The following NBPF9 variants were observed in gnomAD, a reference collection of about 807,000 sequenced individuals.
NBPF9 encodes NBPF member 9.
In NBPF9, 91 loss-of-function variants were observed where a neutral mutation model predicts 97.8. The observed-to-expected ratio is 0.93, with a 90% CI of 0.79 to 1.11. The LOEUF is 1.11. NBPF9 is among the 50% of genes least tolerant of loss of function. The pLI, the probability that NBPF9 is intolerant of heterozygous loss-of-function variation, is 0.00. For missense variants in NBPF9, 992 were observed against 939.5 expected, an observed-to-expected ratio of 1.06 and a Z score of -0.73; for synonymous variants, 334 against 359.5, an observed-to-expected ratio of 0.93 and a Z score of 0.80.
At chr1:149,102,733 A>G in exon 2 of NBPF9, 2 of 151,748 alleles carry the variant, frequency 1.3e-5, no homozygotes, top group East Asian at 3.9e-4. Flanking sequence ...ACCTACCGGA[A>G]ATCCTGCGGT....
intron 29 of NBPF9, among the ~76,000 whole-genome samples, 185 bp from the exon 30 acceptor site, chr1:149,056,084 A>C (rs879973691): frequency 6.6e-6 from 1 of 151,220 alleles, no homozygotes; most frequent in Non-Finnish European, 1.5e-5. Flanking sequence ...GAAAACAATG[A>C]AAGAGAAAGA....
intron 20 of NBPF9, among the ~76,000 whole-genome samples, 157 bp from the exon 21 acceptor site, chr1:149,063,070 A>G (rs587665231): frequency 3.6e-5 from 5 of 138,726 alleles, no homozygotes; most frequent in Admixed American, 3.6e-4. Context: ...GCTGATCACC[A>G]TAGAGATTCC....
chr1:149,059,823 G>C lies in NBPF9; in HGVS notation c.2477-15C>G. On this transcript the variant is annotated splice_polypyrimidine_tract_variant and intron_variant, in intron 24 of 29. Coordinates refer to ENST00000584027, the Ensembl canonical transcript of NBPF9. ...CTTTTCAATTTCTGCAATAAATTCA[G>C]ACATGGACAGACACATTAAGCTGAT... is the stretch of plus-strand genomic sequence containing the variant. 1 of 527,910 alleles carries C rather than the reference G, an allele frequency of 1.9e-6. No individual in the cohort carries two copies. 32.7% of individuals were successfully genotyped at this position (527,910 alleles called of 1,614,324 possible). A position where few individuals can be genotyped will look rare whatever the true frequency, so the allele number is the denominator to read the frequency against.
chr1:149,097,069 G>A (rs2081816999), intron 4 of NBPF9, among the ~76,000 whole-genome samples: 2 of 138,182 alleles, frequency 1.4e-5, no homozygotes, highest in African/African-American at 5.7e-5. Flanking sequence ...AGGGAAGGAA[G>A]GAGGAAGGGA....
At chr1:149,100,871 T>C (rs1275938602) in intron 3 of NBPF9, among the ~76,000 whole-genome samples, 1 of 150,820 alleles carries the variant, frequency 6.6e-6, no homozygotes, top group Non-Finnish European at 1.5e-5. Flanking sequence ...GAGGTGGAGG[T>C]TGCAGTGAGC....
intron 8 of NBPF9, among the ~76,000 whole-genome samples, chr1:149,079,583 A>C (rs1249828595): frequency 1.3e-5 from 2 of 148,564 alleles, no homozygotes; most frequent in South Asian, 2.2e-4. Context: ...CTAGATACAA[A>C]GCCATGTACA....
chr1:149,100,888 C>T (rs1430820262), intron 3 of NBPF9, among the ~76,000 whole-genome samples: 4 of 151,352 alleles, frequency 2.6e-5, no homozygotes, highest in Non-Finnish European at 5.9e-5. Flanking sequence ...GAGCTGAGAT[C>T]CTGCCACGGC....
At chr1:149,099,225 T>C (rs2081987058) in intron 3 of NBPF9, among the ~76,000 whole-genome samples, 2 of 152,258 alleles carry the variant, frequency 1.3e-5, no homozygotes, top group Non-Finnish European at 2.9e-5. Context: ...CTGGTCTATC[T>C]GTACACGTAT....
intron 27 of NBPF9, among the ~76,000 whole-genome samples, chr1:149,057,729 ACACAC>A (rs2078305753): frequency 1.0e-5 from 1 of 98,684 alleles, no homozygotes; most frequent in Non-Finnish European, 2.2e-5. Flanking sequence ...ACACACACAC[ACACAC>A]ACACACACAC....
exon 21 of NBPF9, chr1:149,062,872 A>G (rs1575825859): frequency 4.1e-6 from 3 of 726,722 alleles, no homozygotes; most frequent in South Asian, 3.0e-5. Flanking sequence ...CTGGGGCATG[A>G]TGGGTCTTGG....
exon 7 of NBPF9, chr1:149,082,110 G>T: frequency 3.1e-6 from 5 of 1,611,610 alleles, no homozygotes; most frequent in Non-Finnish European, 4.2e-6. Flanking sequence ...CTGCCTTCTC[G>T]CTGGACCAAG....
chr1:149,076,371 A>G, intron 11 of NBPF9, among the ~76,000 whole-genome samples: 1 of 150,792 alleles, frequency 6.6e-6, no homozygotes, highest in East Asian at 1.9e-4. Context: ...TAATTTTTGT[A>G]TTTTTAGTAG....
At chr1:149,052,651 T>TAC (rs1235516346), downstream of NBPF9, among the ~76,000 whole-genome samples, 1 of 149,686 alleles carries the variant, frequency 6.7e-6, no homozygotes, top group Non-Finnish European at 1.5e-5. Context: ...TGTATATATA[T>TAC]ACACACACAT....
chr1:149,079,433 A>G (rs1348897230), intron 8 of NBPF9, among the ~76,000 whole-genome samples: 5 of 151,918 alleles, frequency 3.3e-5, no homozygotes, highest in Admixed American at 6.6e-5. Flanking sequence ...AAGATCCTCG[A>G]TGATGTTCCA....
At chr1:149,071,012 C>G (rs782449594) in exon 16 of NBPF9, 18 of 1,612,110 alleles carry the variant, frequency 1.1e-5, no homozygotes, top group Non-Finnish European at 1.4e-5. Flanking sequence ...TTGTCTTCCT[C>G]AAATGTGATT....
At chr1:149,052,227 A>G (rs587754572), downstream of NBPF9, among the ~76,000 whole-genome samples, 6 of 151,932 alleles carry the variant, frequency 3.9e-5, no homozygotes, top group Non-Finnish European at 8.8e-5. Flanking sequence ...ACAAACCATT[A>G]AAGAAAACAT....
exon 29 of NBPF9, chr1:149,056,557 C>A: frequency 9.4e-6 from 1 of 106,270 alleles, no homozygotes; most frequent in Non-Finnish European, 1.5e-5. Flanking sequence ...TTTTCTTCCC[C>A]TTCTTCTTTC....
chr1:149,060,819 G>C lies in NBPF9; in HGVS notation c.2304-124C>G, dbSNP rs1178477556. 4.6e-5 allele frequency: 18 copies of C among 395,028 alleles called. 4 individuals are homozygous for C. In the African/African-American group the frequency reaches 5.7e-4, roughly 13 times the overall value. 24.5% of individuals were successfully genotyped at this position (395,028 alleles called of 1,614,324 possible). Reference sequence around the variant, plus strand: ...ACTAAAAGGATAGATCCATTAATGAGGTAACAAATTATTGCCTTCATGTTG... The same window carrying C: ...ACTAAAAGGATAGATCCATTAATGACGTAACAAATTATTGCCTTCATGTTG... On this transcript the variant is annotated intron_variant, in intron 23 of 29. Transcript: ENST00000584027.
At chr1:149,059,147 A>G in intron 25 of NBPF9, 50 bp from the exon 26 acceptor site, 1 of 411,026 alleles carries the variant, frequency 2.4e-6, no homozygotes, top group Non-Finnish European at 4.4e-6. Context: ...ATCAGAAACC[A>G]CACAGCCCCA....
Sources: gnomAD v4.1 joint callset for allele counts (sites outside exome capture counted in the v4.1 genomes callset) on GRCh38, gnomAD v4.1.1 for gene constraint, MANE v1.5 for transcripts, NCBI Gene and HGNC (gene_info 2026-07-23, HGNC 2026-07-21) for gene names.